Variants in FHIT observed in about 807,000 individuals in gnomAD.
FHIT encodes fragile histidine triad diadenosine triphosphatase, also known as bis(5'-adenosyl)-triphosphatase.
FHIT carries 19 observed loss-of-function variants against 17.9 expected under a neutral mutation model. The observed-to-expected ratio is 1.06, with a 90% CI of 0.74 to 1.56. FHIT has a LOEUF of 1.56. Ranked by LOEUF, FHIT falls within the 40% of genes most tolerant of loss-of-function variation. The pLI, the probability that FHIT is intolerant of heterozygous loss-of-function variation, is 0.00. For missense variants in FHIT, 248 were observed against 189.2 expected, an observed-to-expected ratio of 1.31 and a Z score of -1.82; for synonymous variants, 81 against 69.7, an observed-to-expected ratio of 1.16 and a Z score of -0.81.
At chr3:60,049,204 C>A (rs77640244) in intron 5 of FHIT, among the ~76,000 whole-genome samples, 6 of 152,140 alleles carry the variant, frequency 3.9e-5, no homozygotes, top group Non-Finnish European at 5.9e-5. Context: ...TATTTCACTA[C>A]AAATTATGTT....
intron 3 of FHIT, among the ~76,000 whole-genome samples, chr3:60,890,888 A>T: frequency 6.6e-6 from 1 of 152,150 alleles, no homozygotes; most frequent in East Asian, 1.9e-4. Flanking sequence ...ACTCAAAATC[A>T]ATAGGGCCAT....
At chr3:60,202,702 C>T (rs1040677777) in intron 5 of FHIT, among the ~76,000 whole-genome samples, 8 of 152,142 alleles carry the variant, frequency 5.3e-5, no homozygotes, top group African/African-American at 1.9e-4. Context: ...CCCTACCAGC[C>T]AGCCTAAAAG....
chr3:60,038,054 C>T (rs1253049814), intron 5 of FHIT, among the ~76,000 whole-genome samples: 3 of 152,152 alleles, frequency 2.0e-5, no homozygotes, highest in African/African-American at 4.8e-5. Context: ...AACACCCAAA[C>T]ACCTTTCAAT....
At chr3:59,963,418 G>T (rs1191013805) in intron 7 of FHIT, among the ~76,000 whole-genome samples, 1 of 152,078 alleles carries the variant, frequency 6.6e-6, no homozygotes, top group Non-Finnish European at 1.5e-5. Context: ...AGTACCGTTA[G>T]TTCCTCAAAT....
At chr3:60,629,654 G>C (rs1206193898) in intron 4 of FHIT, among the ~76,000 whole-genome samples, 1 of 152,160 alleles carries the variant, frequency 6.6e-6, no homozygotes, top group Non-Finnish European at 1.5e-5. Flanking sequence ...TCTCTGATAG[G>C]TTCTTGTCCC....
chr3:59,886,838 T>C (rs1322817166), intron 8 of FHIT, among the ~76,000 whole-genome samples: 2 of 152,324 alleles, frequency 1.3e-5, no homozygotes, highest in South Asian at 2.1e-4. Context: ...GACAGTTTTC[T>C]GATACTTGTT....
rs528616342 is a variant in FHIT at position 60,160,127 on chromosome 3, T to C, written c.104-145975A>G. ...AAACTAATCCCATTCTGTGCTTATG[T>C]GTGTGTGTGTGTGTGTCTGTGTGTC... On this transcript the variant is annotated intron_variant, in intron 5 of 9. Coordinates refer to ENST00000492590, the MANE Select transcript of FHIT (RefSeq NM_002012.4). Among the ~76,000 whole-genome samples the C allele has an allele frequency of 2.9e-4, 11 of 37,660 alleles. 1 individual carries two copies. The highest frequency in any genetic ancestry group is 2.6e-3 in the Admixed American group (11 of 4,192). The allele number at this position is 37,660 out of a possible 152,430, so 24.7% of individuals were successfully genotyped here.
At chr3:60,669,555 T>A (rs1366429154) in intron 4 of FHIT, among the ~76,000 whole-genome samples, 1 of 151,700 alleles carries the variant, frequency 6.6e-6, no homozygotes, top group Non-Finnish European at 1.5e-5. Context: ...GCATCCAAGA[T>A]AGGAAGTAGG....
chr3:60,988,559 C>T (rs918485297), intron 3 of FHIT, among the ~76,000 whole-genome samples: 1 of 152,142 alleles, frequency 6.6e-6, no homozygotes, highest in Non-Finnish European at 1.5e-5. Context: ...AGACCATATT[C>T]CAGCTGAGAT....
chr3:61,018,550 C>T (rs1308715990), intron 3 of FHIT, among the ~76,000 whole-genome samples: 4 of 152,162 alleles, frequency 2.6e-5, no homozygotes, highest in Non-Finnish European at 4.4e-5. Flanking sequence ...TATGGTTAGA[C>T]AGTCAGATGC....
intron 1 of FHIT, among the ~76,000 whole-genome samples, chr3:61,237,980 T>C (rs1396825123): frequency 6.6e-6 from 1 of 152,162 alleles, no homozygotes; most frequent in Non-Finnish European, 1.5e-5. Context: ...AGCAACAGTC[T>C]TCAGACAACC....
intron 2 of FHIT, among the ~76,000 whole-genome samples, chr3:61,119,942 C>A (rs1390307572): frequency 6.6e-6 from 1 of 152,218 alleles, no homozygotes. Context: ...GACGGCAGAT[C>A]ATGGGACTTC....
rs186635870 is a variant in FHIT, at chr3:60,962,009, T to C, written c.-111+80038A>G. On this transcript the variant is annotated intron_variant, in intron 3 of 9. Coordinates refer to ENST00000492590, the MANE Select transcript of FHIT (RefSeq NM_002012.4). ...ATGGGGATGGCGTTGAATCTATAAA[T>C]TGCCTTGGGCAGTATGGCCATTTTC... 2.6e-3 allele frequency among the ~76,000 whole-genome samples: 394 copies of C among 152,328 alleles called. 1 individual carries two copies. The highest frequency in any genetic ancestry group is 2.9e-3 in the Non-Finnish European group (194 of 68,026).
chr3:60,765,806 G>A (rs1553721284), intron 4 of FHIT, among the ~76,000 whole-genome samples: 2 of 152,200 alleles, frequency 1.3e-5, no homozygotes, highest in African/African-American at 4.8e-5. Context: ...TGCCAGTGCA[G>A]CTAGACCAAA....
At chr3:60,506,500 C>T (rs1232065044) in intron 5 of FHIT, among the ~76,000 whole-genome samples, 3 of 152,154 alleles carry the variant, frequency 2.0e-5, no homozygotes, top group African/African-American at 7.2e-5. Context: ...TAGTAGATGG[C>T]ACCATTTTCT....
Position 60,617,226 on chromosome 3 carries a change from A to C in FHIT, c.-17-80247T>G, listed in dbSNP as rs1452384639. 2.3e-5 allele frequency: 4 copies of C among 170,778 alleles called. No homozygotes were observed. In the East Asian group the frequency reaches 6.3e-4, roughly 27 times the overall value. 10.6% of individuals were successfully genotyped at this position (170,778 alleles called of 1,614,324 possible). Reference sequence around the variant, plus strand: ...GTCTTTCAAAACAATGGGATCTATGAAGGATTATGATATCAGATCTTGATA... The same window carrying C: ...GTCTTTCAAAACAATGGGATCTATGCAGGATTATGATATCAGATCTTGATA... On this transcript the variant is annotated intron_variant, in intron 4 of 9. Coordinates refer to ENST00000492590, the MANE Select transcript of FHIT (RefSeq NM_002012.4).
intron 8 of FHIT, among the ~76,000 whole-genome samples, chr3:59,879,919 A>ACC (rs1234624847): frequency 1.8e-4 from 15 of 83,098 alleles, no homozygotes; most frequent in African/African-American, 3.8e-4. Flanking sequence ...CATTTCCCCC[A>ACC]CCCCCCCCCC....
At chr3:60,389,916 A>G (rs1384939344) in intron 5 of FHIT, among the ~76,000 whole-genome samples, 1 of 152,152 alleles carries the variant, frequency 6.6e-6, no homozygotes, top group African/African-American at 2.4e-5. Flanking sequence ...ACACAAGTTC[A>G]TGGGGACTTA....
chr3:60,639,726 A>G (rs1446937320), intron 4 of FHIT, among the ~76,000 whole-genome samples: 3 of 152,198 alleles, frequency 2.0e-5, no homozygotes, highest in African/African-American at 7.2e-5. Context: ...GCAGATTAAA[A>G]ATTTCCCAGA....
Sources: allele counts gnomAD v4.1 joint callset (sites outside exome capture counted in the v4.1 genomes callset), GRCh38; gene constraint gnomAD v4.1.1; transcripts MANE v1.5; gene names NCBI Gene and HGNC (gene_info 2026-07-23, HGNC 2026-07-21).